PITPNM3: variants seen among roughly 807,000 people sequenced by gnomAD.
PITPNM3 encodes the protein PITPNM family member 3.
A neutral mutation model predicts 102.0 loss-of-function variants in PITPNM3; 26 were observed. The observed-to-expected ratio is 0.25, with a 90% confidence interval of 0.19 to 0.35. PITPNM3 has a LOEUF of 0.35. Ranked by LOEUF, PITPNM3 falls within the 10% of genes least tolerant of loss-of-function variation. The probability of loss-of-function intolerance (pLI) is 1.00; values close to 1 mark genes in which losing one functional copy is unlikely to be tolerated. For missense variants in PITPNM3, 1,083 were observed against 1,346.1 expected (o/e 0.80, Z 3.06); for synonymous variants, 578 against 558.6 (o/e 1.03, Z -0.49).
intron 3 of PITPNM3, among the ~76,000 whole-genome samples, chr17:6,508,862 G>A (rs11658545): frequency 0.3 from 46,121 of 152,072 alleles, 8,378 homozygotes; most frequent in Middle Eastern, 0.54. Flanking sequence ...CCTGGAAACC[G>A]CCAGCGAGGG....
intron 14 of PITPNM3, among the ~76,000 whole-genome samples, chr17:6,466,524 C>T (rs1404125991): frequency 6.6e-6 from 1 of 152,132 alleles, no homozygotes; most frequent in African/African-American, 2.4e-5. Context: ...TAGAGAAATG[C>T]AATCAAAACC....
intron 9 of PITPNM3, 66 bp from the exon 10 acceptor site, chr17:6,474,670 C>T: frequency 6.7e-7 from 1 of 1,494,506 alleles, no homozygotes; most frequent in African/African-American, 1.4e-5. Context: ...GGAGTGTTCA[C>T]ACAGCAGCGC....
intron 1 of PITPNM3, among the ~76,000 whole-genome samples, chr17:6,545,412 T>A (rs1909970245): frequency 6.6e-6 from 1 of 152,122 alleles, no homozygotes; most frequent in Admixed American, 6.5e-5. Context: ...CCCCAAAGGC[T>A]GGAAATGCTT....
rs768579795 is a variant in PITPNM3 at position 6,478,664 on chromosome 17, G to A, written c.660C>T (p.Pro220=). 6.2e-7 allele frequency: 1 copy of A among 1,613,086 alleles called. No individual in the cohort carries two copies. Among genetic ancestry groups the A allele is most frequent in the Non-Finnish European group, 8.5e-7 (1 of 1,179,556 alleles). Residue 220 remains proline, a synonymous_variant, in exon 7 of 20, where the codon CCC becomes CCT. Coordinates refer to ENST00000262483, the MANE Select transcript of PITPNM3 (RefSeq NM_031220.4). This position sits in a 1 kb window ranked among gnomAD's most constrained non-coding sequence, Gnocchi z 4.4. ...ACTGCGGGGAGGAGATGGCCAACAG[G>A]GGAAGGGCGGCCAGAGGGACGTGGT... ...SQDHVPLAAL[P]LLAISSPQYQ...
intron 3 of PITPNM3, among the ~76,000 whole-genome samples, chr17:6,518,746 A>G (rs1011163153): frequency 6.6e-6 from 1 of 152,248 alleles, no homozygotes; most frequent in African/African-American, 2.4e-5. Context: ...AATGAGAGAG[A>G]AAGAGAAAGA....
At position 6,478,498 on chromosome 17, in the gene PITPNM3, C is replaced by T. The variant is rs372470577; in HGVS notation, c.777+49G>A. 2.6e-5 allele frequency: 42 copies of T among 1,602,462 alleles called. No homozygotes were observed. Among genetic ancestry groups the T allele is most frequent in the East Asian group, 6.7e-5 (3 of 44,806 alleles). On this transcript the variant is annotated intron_variant, in intron 7 of 19. Transcript: ENST00000262483. The surrounding 1 kb of genome is among the most constrained non-coding windows in gnomAD (Gnocchi z 4.4). ...GTAGATTCCAGCCTCTCTCCCAGGCCGGGGCCGGAACAGGGGAGGGGAGAG... is the reference window on the plus strand; with the variant it reads ...GTAGATTCCAGCCTCTCTCCCAGGCTGGGGCCGGAACAGGGGAGGGGAGAG...
chr17:6,543,006 G>C (rs1026525176), intron 1 of PITPNM3, among the ~76,000 whole-genome samples: 5 of 152,202 alleles, frequency 3.3e-5, no homozygotes, highest in Non-Finnish European at 5.9e-5. Flanking sequence ...GATTACAGGC[G>C]TGAGCCACCA....
chr17:6,545,354 A>C (rs948544845), intron 1 of PITPNM3, among the ~76,000 whole-genome samples: 18 of 152,184 alleles, frequency 1.2e-4, no homozygotes, highest in African/African-American at 3.1e-4. Context: ...TTCCAAGGGC[A>C]GACCCCTCTC....
At chr17:6,514,254 T>A (rs1197111779) in intron 3 of PITPNM3, among the ~76,000 whole-genome samples, 1 of 150,480 alleles carries the variant, frequency 6.6e-6, no homozygotes, top group Non-Finnish European at 1.5e-5. Flanking sequence ...AAAGAAAAAA[T>A]AGATAAACCA....
intron 3 of PITPNM3, among the ~76,000 whole-genome samples, chr17:6,513,123 A>C (rs1295534785): frequency 5.9e-5 from 9 of 152,132 alleles, no homozygotes; most frequent in Non-Finnish European, 1.3e-4. Context: ...TAAAAAATAC[A>C]TTCAACAAAC....
In PITPNM3 at chr17:6,477,963, C is replaced by T; in HGVS notation, c.900+12G>A. On this transcript the variant is annotated intron_variant, in intron 8 of 19. Coordinates refer to ENST00000262483, the MANE Select transcript of PITPNM3 (RefSeq NM_031220.4). ...GGCATACCCCTCCCGCGGTCCTGTCCCCCGGCTGTACCTGGGTGCTGCTGA... is the reference window on the plus strand; with the variant it reads ...GGCATACCCCTCCCGCGGTCCTGTCTCCCGGCTGTACCTGGGTGCTGCTGA... The T allele has an allele frequency of 6.2e-7, 1 of 1,611,528 alleles. No individual in the cohort carries two copies. The highest frequency in any genetic ancestry group is 8.5e-7 in the Non-Finnish European group (1 of 1,179,972).
chr17:6,520,563 G>A (rs17202229), intron 3 of PITPNM3, among the ~76,000 whole-genome samples: 7,430 of 152,282 alleles, frequency 0.049, 268 homozygotes, highest in South Asian at 0.15. Flanking sequence ...AGAGAGATAC[G>A]TTGATCAACT....
chr17:6,463,264 G>T (rs1904563272), intron 17 of PITPNM3, among the ~76,000 whole-genome samples: 1 of 152,092 alleles, frequency 6.6e-6, no homozygotes, highest in African/African-American at 2.4e-5. Context: ...CTGATCACTT[G>T]GAGTCCTGGG....
intron 4 of PITPNM3, among the ~76,000 whole-genome samples, chr17:6,491,816 A>AATATATATATATATAT (rs71381397): frequency 1.6e-5 from 1 of 62,076 alleles, no homozygotes; most frequent in African/African-American, 6.5e-5. Context: ...GGGACAATGG[A>AATATATATATATATAT]ATATATATAT....
rs979249522 is a variant in PITPNM3 at position 6,537,860 on chromosome 17, G to A, written c.118+127C>T. On this transcript the variant is annotated intron_variant, in intron 2 of 19. Transcript: ENST00000262483. This position sits in a 1 kb window ranked among gnomAD's most constrained non-coding sequence, Gnocchi z 4.4. ...CTTGGCACATCCACAGGATGGGTAA[G>A]TATGGAGTGTGGAGCTGCAGATACC... 5 of 803,396 alleles carry A rather than the reference G, an allele frequency of 6.2e-6. No individual in the cohort carries two copies. Among genetic ancestry groups the A allele is most frequent in the Non-Finnish European group, 8.6e-6 (4 of 465,530 alleles). The allele number at this position is 803,396 out of a possible 1,614,324, so 49.8% of individuals were successfully genotyped here.
At chr17:6,486,237 A>C (rs1216847104) in intron 4 of PITPNM3, among the ~76,000 whole-genome samples, 3 of 151,992 alleles carry the variant, frequency 2.0e-5, no homozygotes, top group Non-Finnish European at 4.4e-5. Context: ...AAGCTGAACC[A>C]CCTGTTTGTC....
intron 14 of PITPNM3, among the ~76,000 whole-genome samples, chr17:6,466,386 T>A (rs1218857550): frequency 2.0e-5 from 3 of 152,216 alleles, no homozygotes; most frequent in African/African-American, 7.2e-5. Context: ...AAACTAGTCG[T>A]GGGCCCTGCC....
intron 1 of PITPNM3, among the ~76,000 whole-genome samples, chr17:6,540,783 C>A (rs1469803687): frequency 2.0e-5 from 3 of 152,164 alleles, no homozygotes; most frequent in Non-Finnish European, 4.4e-5. Context: ...CTCAGCCTCC[C>A]AAGTAGCTGG....
At chr17:6,544,469 C>A (rs959988759) in intron 1 of PITPNM3, among the ~76,000 whole-genome samples, 1 of 152,028 alleles carries the variant, frequency 6.6e-6, no homozygotes, top group Non-Finnish European at 1.5e-5. Context: ...CAGGTTGAGG[C>A]TGCATTGAGC....
Sources: gnomAD v4.1 joint callset for allele counts (sites outside exome capture counted in the v4.1 genomes callset) on GRCh38, gnomAD v4.1.1 for gene constraint, Gnocchi (gnomAD v3.1) non-coding constraint, MANE v1.5 for transcripts, NCBI Gene and HGNC (gene_info 2026-07-23, HGNC 2026-07-21) for gene names.